The following PTPRN2 variants were observed in gnomAD, a reference collection of about 807,000 sequenced individuals.
PTPRN2 encodes the protein receptor-type tyrosine-protein phosphatase N2.
Under a neutral mutation model 118.8 loss-of-function variants are expected in PTPRN2, and 74 were observed. The observed-to-expected ratio is 0.62, with a 90% CI of 0.52 to 0.76. PTPRN2 has a LOEUF of 0.76. Ranked by LOEUF, PTPRN2 falls within the 30% of genes least tolerant of loss-of-function variation. PTPRN2 has a pLI of 0.00. For missense variants in PTPRN2, 1,481 were observed against 1,394.4 expected (o/e 1.06, Z -0.99); for synonymous variants, 641 against 608.0 (o/e 1.05, Z -0.80).
intron 2 of PTPRN2, among the ~76,000 whole-genome samples, chr7:158,424,393 C>T (rs532388894): frequency 3.9e-4 from 59 of 152,274 alleles, no homozygotes; most frequent in Non-Finnish European, 6.8e-4. Context: ...TTTATTGCTC[C>T]CAAAGTCTGA....
Position 157,589,832 on chromosome 7 carries a change from G to A in PTPRN2, c.2496+5406C>T, listed in dbSNP as rs1029396083. Among the ~76,000 whole-genome samples, 10 of 152,324 alleles carry A rather than the reference G, an allele frequency of 6.6e-5. No homozygotes were observed. In the South Asian group the frequency reaches 1.2e-3, roughly 19 times the overall value. Reference sequence around the variant, plus strand: ...GTTTTACGCACCACCAAGTCCAGACGCCAGCCGAGGCCAAGTTTCCTTGTG... The same window carrying A: ...GTTTTACGCACCACCAAGTCCAGACACCAGCCGAGGCCAAGTTTCCTTGTG... On this transcript the variant is annotated intron_variant, in intron 17 of 22. Coordinates refer to ENST00000389418, the MANE Select transcript of PTPRN2 (RefSeq NM_002847.5).
chr7:158,198,568 T>C (rs1368907707), intron 4 of PTPRN2, among the ~76,000 whole-genome samples: 14 of 152,236 alleles, frequency 9.2e-5, no homozygotes, highest in African/African-American at 2.4e-5. Context: ...TCATCGGTGC[T>C]CATATACACA....
intron 14 of PTPRN2, among the ~76,000 whole-genome samples, chr7:157,639,534 A>G (rs755406314): frequency 6.6e-6 from 1 of 152,272 alleles, no homozygotes; most frequent in Non-Finnish European, 1.5e-5. Context: ...CAAATGGCAC[A>G]GTCAGCCTTT....
At position 157,618,560 on chromosome 7, in the gene PTPRN2, C is replaced by T. The variant is rs1802943579; in HGVS notation, c.2344+2802G>A. On this transcript the variant is annotated intron_variant, in intron 15 of 22. Transcript: ENST00000389418. The surrounding 1 kb of genome is among the most constrained non-coding windows in gnomAD (Gnocchi z 4.2). Reference sequence around the variant, plus strand: ...GTGGCTGTTTTGGAGCCAGTTGTGTCCTGTGAAGAGCGCAGCGGCCGCAGG... The same window carrying T: ...GTGGCTGTTTTGGAGCCAGTTGTGTTCTGTGAAGAGCGCAGCGGCCGCAGG... 6.6e-6 allele frequency: 1 copy of T among 152,236 alleles called. No individual in the cohort carries two copies. Among genetic ancestry groups the T allele is most frequent in the Non-Finnish European group, 1.5e-5 (1 of 68,112 alleles). 9.4% of individuals were successfully genotyped at this position (152,236 alleles called of 1,614,324 possible).
At chr7:157,793,319 G>A (rs1179508802) in intron 12 of PTPRN2, among the ~76,000 whole-genome samples, 3 of 152,262 alleles carry the variant, frequency 2.0e-5, no homozygotes, top group Admixed American at 2.0e-4. Flanking sequence ...TGGTCTCCAT[G>A]TCACAGATGA....
intron 4 of PTPRN2, among the ~76,000 whole-genome samples, 187 bp downstream of exon 4, chr7:158,204,984 C>A (rs1036337777): frequency 3.3e-5 from 5 of 152,198 alleles, no homozygotes; most frequent in Admixed American, 2.6e-4. Context: ...GGAGGGTCAC[C>A]CCAATATCGC....
chr7:157,946,933 A>T (rs1800523846), intron 11 of PTPRN2, among the ~76,000 whole-genome samples: 1 of 152,182 alleles, frequency 6.6e-6, no homozygotes, highest in Admixed American at 6.5e-5. Context: ...CTGAGGGTCA[A>T]AGAATCAGGG....
intron 11 of PTPRN2, among the ~76,000 whole-genome samples, chr7:157,962,876 C>T (rs1378291210): frequency 1.3e-5 from 2 of 152,200 alleles, no homozygotes; most frequent in Non-Finnish European, 2.9e-5. Flanking sequence ...GGTTCCATTC[C>T]CCACTATTTG....
chr7:157,991,132 G>A (rs534978344), intron 11 of PTPRN2, among the ~76,000 whole-genome samples: 19 of 152,088 alleles, frequency 1.2e-4, no homozygotes, highest in South Asian at 4.2e-4. Flanking sequence ...AAGCCAAGGC[G>A]ACCGAGCTTC....
At chr7:158,150,147 G>C (rs937966128) in intron 6 of PTPRN2, among the ~76,000 whole-genome samples, 5 of 152,208 alleles carry the variant, frequency 3.3e-5, no homozygotes, top group Admixed American at 6.5e-5. Flanking sequence ...CAACAATGCT[G>C]TTCCCTGCAG....
chr7:157,768,681 G>A (rs1326846321), intron 12 of PTPRN2, among the ~76,000 whole-genome samples: 1 of 152,090 alleles, frequency 6.6e-6, no homozygotes, highest in Non-Finnish European at 1.5e-5. Context: ...AAAGTCATTT[G>A]GAAAAATCAT....
intron 18 of PTPRN2, 132 bp from the exon 19 acceptor site, chr7:157,576,911 G>T: frequency 1.1e-6 from 1 of 942,978 alleles, no homozygotes; most frequent in Non-Finnish European, 1.5e-6. Flanking sequence ...ATTTTACAGC[G>T]CAGGTGGGTT....
At chr7:158,031,261 C>T (rs1481784660) in intron 11 of PTPRN2, 1 of 152,234 alleles carries the variant, frequency 6.6e-6, no homozygotes, top group Non-Finnish European at 1.5e-5. Flanking sequence ...GTGATGGAGA[C>T]ATCAATGGTG....
At chr7:158,069,596 A>G (rs1811055194) in intron 11 of PTPRN2, among the ~76,000 whole-genome samples, 1 of 151,026 alleles carries the variant, frequency 6.6e-6, no homozygotes, top group African/African-American at 2.4e-5. Context: ...GATGACAGGC[A>G]TGGCCACCAC....
chr7:158,225,352 T>A lies in PTPRN2; in HGVS notation c.278-20079A>T, dbSNP rs143265264. Among the ~76,000 whole-genome samples the A allele has an allele frequency of 2.4e-4, 37 of 151,730 alleles. No homozygotes were observed. In the East Asian group the frequency reaches 7.0e-3, roughly 29 times the overall value. ...TCCCTCAGCAGGTGGATGGTTACCATGCAGCACCTCTGCACCACGGAGCAC... is the reference window on the plus strand; with the variant it reads ...TCCCTCAGCAGGTGGATGGTTACCAAGCAGCACCTCTGCACCACGGAGCAC... On this transcript the variant is annotated intron_variant, in intron 3 of 22. Transcript: ENST00000389418.
At chr7:158,512,854 C>T (rs1351059822) in intron 1 of PTPRN2, among the ~76,000 whole-genome samples, 6 of 152,150 alleles carry the variant, frequency 3.9e-5, no homozygotes, top group East Asian at 3.8e-4. Flanking sequence ...AACGGGCTGC[C>T]GGCAGCCGAA....
chr7:158,322,782 C>A (rs1337485149), intron 2 of PTPRN2, among the ~76,000 whole-genome samples: 1 of 152,268 alleles, frequency 6.6e-6, no homozygotes, highest in African/African-American at 2.4e-5. Flanking sequence ...AGGCCACCTC[C>A]ACTTGGGTGG....
intron 3 of PTPRN2, among the ~76,000 whole-genome samples, chr7:158,288,624 T>C (rs1468439679): frequency 6.6e-6 from 1 of 152,236 alleles, no homozygotes; most frequent in Non-Finnish European, 1.5e-5. Flanking sequence ...TCATATCTTT[T>C]TGTTGTAGCT....
At chr7:158,278,942 C>T (rs12665942) in intron 3 of PTPRN2, among the ~76,000 whole-genome samples, 35,631 of 151,914 alleles carry the variant, frequency 0.23, 4,366 homozygotes, top group African/African-American at 0.27. Context: ...GTTCATTCCT[C>T]GTGGTGGATT....
Sources: allele counts gnomAD v4.1 joint callset (sites outside exome capture counted in the v4.1 genomes callset), GRCh38; gene constraint gnomAD v4.1.1; non-coding constraint Gnocchi (gnomAD v3.1); transcripts MANE v1.5; gene names NCBI Gene and HGNC (gene_info 2026-07-23, HGNC 2026-07-21).